Variants in IL11RA observed in about 807,000 individuals in gnomAD.
IL11RA encodes interleukin 11 receptor subunit alpha.
In IL11RA, 51 loss-of-function variants were observed where a neutral mutation model predicts 57.0. The observed-to-expected ratio is 0.89, with a 90% CI of 0.71 to 1.13. The LOEUF is 1.13. IL11RA is among the 50% of genes most tolerant of loss of function. IL11RA has a pLI of 0.00. For missense variants in IL11RA, 498 were observed against 539.4 expected (o/e 0.92, Z 0.76); for synonymous variants, 199 against 217.5 (o/e 0.91, Z 0.75).
rs1304436754 is a variant in IL11RA at position 34,660,571 on chromosome 9, G to A, written c.1140G>A (p.Leu380=). 1.2e-6 allele frequency: 2 copies of A among 1,614,144 alleles called. No homozygotes were observed. The highest frequency in any genetic ancestry group is 1.7e-6 in the Non-Finnish European group (2 of 1,179,994). The change falls in exon 11 of 13, where the codon CTG becomes CTA. Residue 380 remains leucine, a synonymous_variant. Transcript: ENST00000441545. ...ASLGILSFLG[L]VAGALALGLW... Reference sequence around the variant, plus strand: ...TGGGAATCCTTTCTTTCCTGGGACTGGTGGCTGGGGCCCTGGCACTGGGGC... The same window carrying A: ...TGGGAATCCTTTCTTTCCTGGGACTAGTGGCTGGGGCCCTGGCACTGGGGC...
chr9:34,654,670 G>T (rs1378287782), intron 1 of IL11RA, among the ~76,000 whole-genome samples: 1 of 152,236 alleles, frequency 6.6e-6, no homozygotes, highest in Non-Finnish European at 1.5e-5. Flanking sequence ...AAGCCTGGCA[G>T]CCAGGGCAGG....
In IL11RA at chr9:34,657,428, C is replaced by G. The variant is rs200768157; in HGVS notation, c.487C>G (p.Pro163Ala). The stretch of plus-strand genomic sequence containing the variant: ...CCACATCCTCCCTTCTAGGAGGAGT[C>G]CATCCACAGGGCCCTGGCCATGCCC... ...VLGADSQRRSPSTGPWPCPQD... is the reference protein window; with the variant it reads ...VLGADSQRRSASTGPWPCPQD... Residue 163 changes from proline (P) to alanine (A), a missense_variant, in exon 7 of 13, where the codon CCA becomes GCA. Transcript: ENST00000441545. 4 of 1,614,164 alleles carry G rather than the reference C, an allele frequency of 2.5e-6. No homozygotes were observed. Among genetic ancestry groups the G allele is most frequent in the East Asian group, 4.5e-5 (2 of 44,882 alleles).
rs1821424123 is a variant in IL11RA, at chr9:34,660,138, T to A, written c.953-136T>A. On this transcript the variant is annotated intron_variant, in intron 9 of 12. Transcript: ENST00000441545. The stretch of plus-strand genomic sequence containing the variant: ...CAAGCTTGGAGCTTGCCATGCTCCC[T>A]AGGAGCTGGCCATGCCCTATCAGGC... 5 of 1,371,030 alleles carry A rather than the reference T, an allele frequency of 3.6e-6. No homozygotes were observed. In the South Asian group the frequency reaches 5.9e-5, roughly 16 times the overall value. 84.9% of individuals were successfully genotyped at this position (1,371,030 alleles called of 1,614,324 possible). A position where few individuals can be genotyped will look rare whatever the true frequency, so the allele number is the denominator to read the frequency against.
At chr9:34,657,817 C>G (rs1821377871) in intron 7 of IL11RA, among the ~76,000 whole-genome samples, 1 of 152,228 alleles carries the variant, frequency 6.6e-6, no homozygotes, top group Non-Finnish European at 1.5e-5. Flanking sequence ...GATTGGCTGC[C>G]TAGCCTCAGA....
chr9:34,657,238 A>G, intron 5 of IL11RA, 65 bp from the exon 6 acceptor site: 2 of 1,608,652 alleles, frequency 1.2e-6, no homozygotes, highest in Non-Finnish European at 1.7e-6. Flanking sequence ...GTTCTGAGGA[A>G]AGCCTCAGAG....
In IL11RA at chr9:34,660,601, G is replaced by C. The variant is rs1821437425; in HGVS notation, c.1169+1G>C. The C allele has an allele frequency of 1.6e-5, 26 of 1,611,264 alleles. No homozygotes were observed. Among genetic ancestry groups the C allele is most frequent in the Non-Finnish European group, 2.2e-5 (26 of 1,177,544 alleles). On this transcript the variant is annotated splice_donor_variant, in intron 11 of 12. Transcript: ENST00000441545. LOFTEE classifies it high-confidence loss of function. ...CTGGGGCCCTGGCACTGGGGCTCTG[G>C]TAAGTGACTGCCATTGGTCCCTCAG...
In IL11RA at chr9:34,657,081, G is replaced by C; in HGVS notation, c.378G>C (p.Glu126Asp). 1.2e-6 allele frequency: 2 copies of C among 1,614,156 alleles called. No homozygotes were observed. The highest frequency in any genetic ancestry group is 2.7e-5 in the African/African-American group (2 of 75,026). ...PVVSCQAADY[E>D]NFSCTWSPSQ... ...TCTCCTGCCAAGCAGCCGACTATGAGAACTTCTCTTGCACTTGGAGTCCCA... is the reference window on the plus strand; with the variant it reads ...TCTCCTGCCAAGCAGCCGACTATGACAACTTCTCTTGCACTTGGAGTCCCA... Residue 126 changes from glutamate (E) to aspartate (D), a missense_variant, in exon 5 of 13, where the codon GAG (glutamate) becomes GAC (aspartate). Glu to Asp is a conservative substitution (Grantham distance 45). Coordinates refer to ENST00000441545, the MANE Select transcript of IL11RA (RefSeq NM_001142784.3).
At chr9:34,661,202 C>T (rs1247177651) in intron 12 of IL11RA, among the ~76,000 whole-genome samples, 2 of 138,550 alleles carry the variant, frequency 1.4e-5, no homozygotes, top group African/African-American at 2.5e-5. Flanking sequence ...AGTACTAATA[C>T]TCTTCCAGGG....
In IL11RA at chr9:34,659,898, C is replaced by T; in HGVS notation, c.950C>T (p.Thr317Ile). The T allele has an allele frequency of 6.2e-7, 1 of 1,614,130 alleles. No homozygotes were observed. The highest frequency in any genetic ancestry group is 8.5e-7 in the Non-Finnish European group (1 of 1,179,982). ...WSPEAWGTPSTGTIPKEIPAW... is the reference protein window; with the variant it reads ...WSPEAWGTPSIGTIPKEIPAW... ...CCGGAGGCCTGGGGAACTCCGAGCA[C>T]TGGTGAGAGACAAAGCCAAAGAAAA... Residue 317 changes from threonine to isoleucine, a missense_variant and splice_region_variant, in exon 9 of 13, where the codon ACT (threonine) becomes ATT (isoleucine). Coordinates refer to ENST00000441545, the MANE Select transcript of IL11RA (RefSeq NM_001142784.3).
rs1308832623 is a variant in IL11RA at position 34,657,183 on chromosome 9, TTTGG to T, written c.446+35_446+38del. 4.4e-6 allele frequency: 7 copies of T among 1,598,668 alleles called. No individual in the cohort carries two copies. The South Asian group carries it at 7.7e-5, about 18-fold the overall frequency. Reference sequence around the variant, plus strand: ...GTGATTGGGTGTGGATGCCTACACATTTGGGTATGCTGGTGCAATGTGGGTGTGG... The same window carrying T: ...GTGATTGGGTGTGGATGCCTACACATGTATGCTGGTGCAATGTGGGTGTGG... On this transcript the variant is annotated intron_variant, in intron 5 of 12. Transcript: ENST00000441545.
At chr9:34,660,075 C>T (rs1211729304) in intron 9 of IL11RA, among the ~76,000 whole-genome samples, 175 bp downstream of exon 9, 1 of 152,250 alleles carries the variant, frequency 6.6e-6, no homozygotes, top group Non-Finnish European at 1.5e-5. Context: ...AGTCCTGCCC[C>T]TTGGCCTCCA....
chr9:34,660,615 T>C lies in IL11RA; in HGVS notation c.1169+15T>C. ...CTGGGGCTCTGGTAAGTGACTGCCATTGGTCCCTCAGCCTCTGATCCTCAC... is the reference window on the plus strand; with the variant it reads ...CTGGGGCTCTGGTAAGTGACTGCCACTGGTCCCTCAGCCTCTGATCCTCAC... On this transcript the variant is annotated intron_variant, in intron 11 of 12. Transcript: ENST00000441545. The C allele has an allele frequency of 6.3e-7, 1 of 1,599,814 alleles. No homozygotes were observed. The highest frequency in any genetic ancestry group is 1.3e-5 in the African/African-American group (1 of 74,692).
intron 7 of IL11RA, among the ~76,000 whole-genome samples, chr9:34,657,814 T>A (rs757402531): frequency 6.6e-6 from 1 of 152,234 alleles, no homozygotes; most frequent in Non-Finnish European, 1.5e-5. Flanking sequence ...CCTGATTGGC[T>A]GCCTAGCCTC....
chr9:34,655,020 C>T (rs543248940), intron 1 of IL11RA, 198 bp from the exon 2 acceptor site: 32 of 590,298 alleles, frequency 5.4e-5, no homozygotes, highest in East Asian at 4.2e-4. Flanking sequence ...TGTGTGTGCG[C>T]GCGCACGCAC....
chr9:34,660,127 G>A, intron 9 of IL11RA, 147 bp from the exon 10 acceptor site: 1 of 1,306,586 alleles, frequency 7.7e-7, no homozygotes, highest in Non-Finnish European at 1.1e-6. Flanking sequence ...CTTGGAGCTT[G>A]CCATGCTCCC....
chr9:34,656,035 T>C, intron 3 of IL11RA: 1 of 79,058 alleles, frequency 1.3e-5, no homozygotes, highest in South Asian at 2.9e-4. Context: ...GAGTGGTTAC[T>C]TTTTTTTTTT....
Position 34,655,736 on chromosome 9 carries a change from C to T in IL11RA, c.161+71C>T, listed in dbSNP as rs528282132. 7.4e-5 allele frequency: 99 copies of T among 1,343,936 alleles called. No individual in the cohort carries two copies. The South Asian group carries it at 1.1e-3, about 15-fold the overall frequency. 83.3% of individuals were successfully genotyped at this position (1,343,936 alleles called of 1,614,324 possible). A position where few individuals can be genotyped will look rare whatever the true frequency, so the allele number is the denominator to read the frequency against. On this transcript the variant is annotated intron_variant, in intron 3 of 12. Transcript: ENST00000441545. ...TTGACTCTGCCTAGTCCTCATGTCC[C>T]GCCCCTCCCATCCTTGCCCGCTCTG...
intron 12 of IL11RA, 28 bp from the exon 13 acceptor site, chr9:34,661,454 C>G (rs777997743): frequency 6.2e-7 from 1 of 1,613,230 alleles, no homozygotes; most frequent in East Asian, 2.2e-5. Flanking sequence ...CTTACTGTCT[C>G]TCCTGATTTG....
rs769307011 is a variant in IL11RA, at chr9:34,659,875, G to A, written c.927G>A (p.Pro309=). The A allele has an allele frequency of 1.9e-5, 31 of 1,614,106 alleles. No homozygotes were observed. Among genetic ancestry groups the A allele is most frequent in the Middle Eastern group, 3.3e-4 (2 of 6,062 alleles). ...LDAGTWSTWS[P]EAWGTPSTGT... is the part of the protein sequence containing the mutation. ...CTGGCACCTGGAGCACCTGGAGCCCGGAGGCCTGGGGAACTCCGAGCACTG... is the reference window on the plus strand; with the variant it reads ...CTGGCACCTGGAGCACCTGGAGCCCAGAGGCCTGGGGAACTCCGAGCACTG... The change falls in exon 9 of 13, where the codon CCG becomes CCA. Residue 309 remains proline (P), a synonymous_variant. Transcript: ENST00000441545.
Sources: gnomAD v4.1 joint callset for allele counts (sites outside exome capture counted in the v4.1 genomes callset) on GRCh38, gnomAD v4.1.1 for gene constraint, MANE v1.5 for transcripts, NCBI Gene and HGNC (gene_info 2026-07-23, HGNC 2026-07-21) for gene names.